Variants in TUSC3 observed in about 807,000 individuals in gnomAD.
The protein encoded by TUSC3 is tumor suppressor candidate 3, also known as dolichyl-diphosphooligosaccharide--protein glycosyltransferase subunit TUSC3.
Under a neutral mutation model 44.8 loss-of-function variants are expected in TUSC3, and 45 were observed. That is an observed-to-expected ratio of 1.00 (90% CI 0.79 to 1.29). The LOEUF is 1.29. Ranked by LOEUF, TUSC3 falls within the 50% of genes most tolerant of loss-of-function variation. TUSC3 has a pLI of 0.00. For synonymous variants in TUSC3, 212 were observed against 152.9 expected (o/e 1.39, Z -2.85); for missense variants, 519 against 437.9 (o/e 1.19, Z -1.65).
rs3070913 is a variant in TUSC3 at position 15,650,984 on chromosome 8, TACACAC to T, written c.426+204_426+209del. 193,074 of 499,632 alleles carry T rather than the reference TACACAC, an allele frequency of 0.39. 32,722 individuals carry two copies. The highest frequency in any genetic ancestry group is 0.53 in the East Asian group (13,929 of 26,378). The allele number at this position is 499,632 out of a possible 1,614,324, so 30.9% of individuals were successfully genotyped here. A position where few individuals can be genotyped will look rare whatever the true frequency, so the allele number is the denominator to read the frequency against. ...CAGGTGGAGGACAGAGCAAGACTTT[TACACAC>T]ACACACACACACACACACACACACA... On this transcript the variant is annotated intron_variant, in intron 3 of 10. Coordinates refer to ENST00000503731, the MANE Select transcript of TUSC3 (RefSeq NM_006765.4).
the TUSC3 span, among the ~76,000 whole-genome samples, chr8:15,790,845 G>A: frequency 1.3e-5 from 2 of 152,112 alleles, no homozygotes; most frequent in Non-Finnish European, 2.9e-5. Flanking sequence ...GGGCCATAGA[G>A]GTGACTGGAA....
chr8:15,823,557 A>G, the TUSC3 span, among the ~76,000 whole-genome samples: 24 of 152,306 alleles, frequency 1.6e-4, no homozygotes, highest in African/African-American at 5.5e-4. Flanking sequence ...AAAAGATACC[A>G]TAATGTATTT....
chr8:15,599,461 TTC>T (rs1411877882), intron 1 of TUSC3, among the ~76,000 whole-genome samples: 1 of 151,788 alleles, frequency 6.6e-6, no homozygotes, highest in Non-Finnish European at 1.5e-5. Flanking sequence ...AGCTTATTAT[TTC>T]TCTCATGGAT....
At chr8:15,664,572 C>T in intron 5 of TUSC3, among the ~76,000 whole-genome samples, 1 of 149,392 alleles carries the variant, frequency 6.7e-6, no homozygotes, top group East Asian at 2.0e-4. Context: ...GCCTGCTCCC[C>T]AATCACAGCC....
chr8:15,551,058 T>C (rs558427713), intron 1 of TUSC3, among the ~76,000 whole-genome samples: 3 of 151,916 alleles, frequency 2.0e-5, no homozygotes, highest in East Asian at 3.9e-4. Context: ...CTTGGGAAAG[T>C]CACTTAACCG....
chr8:15,587,192 A>G (rs1007003790), intron 1 of TUSC3, among the ~76,000 whole-genome samples: 4 of 152,302 alleles, frequency 2.6e-5, no homozygotes, highest in Admixed American at 6.5e-5. Flanking sequence ...TCTTCTAAAT[A>G]TGGCACAGAA....
chr8:15,705,833 C>T (rs1273276152), intron 6 of TUSC3, among the ~76,000 whole-genome samples: 1 of 152,040 alleles, frequency 6.6e-6, no homozygotes, highest in Non-Finnish European at 1.5e-5. Flanking sequence ...CTCATCCCCT[C>T]CTTCATGCTT....
intron 2 of TUSC3, among the ~76,000 whole-genome samples, chr8:15,495,655 G>A (rs143791462): frequency 6.6e-6 from 1 of 152,140 alleles, no homozygotes; most frequent in Non-Finnish European, 1.5e-5. Context: ...TTGGGGGGCA[G>A]TATGGGAGCC....
At chr8:15,424,445 C>G (rs935065737) in intron 1 of TUSC3, among the ~76,000 whole-genome samples, 5 of 152,110 alleles carry the variant, frequency 3.3e-5, no homozygotes, top group Non-Finnish European at 7.3e-5. Context: ...GACACACTGA[C>G]TAATAACTCA....
chr8:15,841,319 C>T, the TUSC3 span, among the ~76,000 whole-genome samples: 1 of 152,094 alleles, frequency 6.6e-6, no homozygotes, highest in South Asian at 2.1e-4. Flanking sequence ...GTAATTAATA[C>T]ATTTCATGGA....
Position 15,667,940 on chromosome 8 carries a change from C to T in TUSC3, c.708+5644C>T, listed in dbSNP as rs190043861. ...TGTTTTGAAAAACAAGGAAAATAGACGGTTAAAGGAGGATGCCTTGAGCCA... is the reference window on the plus strand; with the variant it reads ...TGTTTTGAAAAACAAGGAAAATAGATGGTTAAAGGAGGATGCCTTGAGCCA... On this transcript the variant is annotated intron_variant, in intron 5 of 10. Transcript: ENST00000503731. Among the ~76,000 whole-genome samples the T allele has an allele frequency of 2.6e-3, 389 of 151,672 alleles. 1 individual carries two copies. The highest frequency in any genetic ancestry group is 8.7e-3 in the African/African-American group (359 of 41,442).
intron 2 of TUSC3, among the ~76,000 whole-genome samples, chr8:15,489,410 A>G (rs149341855): frequency 6.6e-6 from 1 of 152,174 alleles, no homozygotes; most frequent in South Asian, 2.1e-4. Context: ...GAGAAAATAG[A>G]TGGCAGCTGT....
intron 1 of TUSC3, among the ~76,000 whole-genome samples, chr8:15,476,940 C>T (rs920614123): frequency 2.6e-5 from 4 of 152,200 alleles, no homozygotes; most frequent in African/African-American, 9.7e-5. Context: ...GGCAGCCAAT[C>T]AGAGGCTAAA....
At chr8:15,628,219 T>G (rs1805600646) in intron 2 of TUSC3, among the ~76,000 whole-genome samples, 1 of 152,214 alleles carries the variant, frequency 6.6e-6, no homozygotes, top group Admixed American at 6.5e-5. Context: ...ATTATATTTT[T>G]ATAACAATCT....
At chr8:15,842,049 C>G in the TUSC3 span, among the ~76,000 whole-genome samples, 1 of 152,014 alleles carries the variant, frequency 6.6e-6, no homozygotes, top group Admixed American at 6.6e-5. Flanking sequence ...GAATTTAGTT[C>G]CCAAGAATGT....
chr8:15,748,147 TAGTACATTTTC>T (rs1475590199), intron 8 of TUSC3, among the ~76,000 whole-genome samples: 2 of 148,348 alleles, frequency 1.3e-5, no homozygotes, highest in East Asian at 1.9e-4. Context: ...ATACCACAAA[TAGTACATTTTC>T]ATTGAGAAGA....
At chr8:15,646,933 A>T (rs1806660349) in intron 2 of TUSC3, among the ~76,000 whole-genome samples, 1 of 152,136 alleles carries the variant, frequency 6.6e-6, no homozygotes, top group Admixed American at 6.5e-5. Flanking sequence ...TTATCACTGT[A>T]ACACTAAATA....
chr8:15,793,606 A>G, the TUSC3 span, among the ~76,000 whole-genome samples: 1 of 152,092 alleles, frequency 6.6e-6, no homozygotes, highest in African/African-American at 2.4e-5. Context: ...ATTTGCCATT[A>G]TTTGAAACAG....
intron 1 of TUSC3, among the ~76,000 whole-genome samples, chr8:15,480,926 G>A (rs1800649530): frequency 6.6e-6 from 1 of 152,122 alleles, no homozygotes; most frequent in Admixed American, 6.5e-5. Flanking sequence ...GCATGGATTG[G>A]AAACTTAATC....
Sources: allele counts gnomAD v4.1 joint callset (sites outside exome capture counted in the v4.1 genomes callset), GRCh38; gene constraint gnomAD v4.1.1; transcripts MANE v1.5; gene names NCBI Gene and HGNC (gene_info 2026-07-23, HGNC 2026-07-21).